The following MID1 variants were observed in gnomAD, a reference collection of about 807,000 sequenced individuals.
MID1 encodes the protein midline 1, also known as E3 ubiquitin-protein ligase Midline-1.
MID1 carries 7 observed loss-of-function variants against 40.4 expected under a neutral mutation model. That is an observed-to-expected ratio of 0.17 (90% CI 0.10 to 0.33). The LOEUF is 0.33. Ranked by LOEUF, MID1 falls within the 10% of genes least tolerant of loss-of-function variation. The probability of loss-of-function intolerance (pLI) is 1.00; values close to 1 mark genes in which losing one functional copy is unlikely to be tolerated. For missense variants in MID1, 367 were observed against 558.5 expected, an observed-to-expected ratio of 0.66 and a Z score of 3.46; for synonymous variants, 229 against 221.2, an observed-to-expected ratio of 1.04 and a Z score of -0.31.
chrX:10,525,015 GGAAAA>G (rs1380101137), intron 2 of MID1, among the ~76,000 whole-genome samples: 1 of 111,823 alleles, frequency 8.9e-6, no homozygotes, highest in African/African-American at 3.3e-5. Context: ...GAAATTTCAT[GGAAAA>G]GAAAACAGAC....
intron 2 of MID1, among the ~76,000 whole-genome samples, chrX:10,530,467 A>G (rs1246378219): frequency 8.9e-6 from 1 of 112,507 alleles, no homozygotes; most frequent in Admixed American, 9.4e-5. Flanking sequence ...AAATTTGTGG[A>G]AGGCAAAGTT....
At chrX:10,803,012 C>T (rs2044019615) in intron 1 of MID1, among the ~76,000 whole-genome samples, 1 of 110,173 alleles carries the variant, frequency 9.1e-6, no homozygotes, top group Admixed American at 9.7e-5. Flanking sequence ...CAATAGACAC[C>T]GGGTACTATT....
chrX:10,634,711 T>C (rs1936090343), intron 1 of MID1, among the ~76,000 whole-genome samples: 1 of 112,090 alleles, frequency 8.9e-6, no homozygotes, highest in South Asian at 3.8e-4. Flanking sequence ...AGAGATGGTG[T>C]GGGTGTTCTT....
chrX:10,777,729 C>T (rs747879208), intron 1 of MID1, among the ~76,000 whole-genome samples: 19 of 110,754 alleles, frequency 1.7e-4, no homozygotes, highest in African/African-American at 6.2e-4. Context: ...TTAGTAGAGA[C>T]GGGGTTTCAC....
At chrX:10,721,682 C>A (rs1231827737) in intron 1 of MID1, among the ~76,000 whole-genome samples, 1 of 105,673 alleles carries the variant, frequency 9.5e-6, no homozygotes, top group Non-Finnish European at 1.9e-5. Context: ...CTAGCAAAAA[C>A]CAATAATTGT....
chrX:10,613,722 TATATATATATAGAG>T (rs1455831788), intron 1 of MID1, among the ~76,000 whole-genome samples: 1 of 55,920 alleles, frequency 1.8e-5, no homozygotes, highest in Non-Finnish European at 3.1e-5. Flanking sequence ...TATATATATA[TATATATATATAGAG>T]AGAGAGAGAG....
intron 2 of MID1, among the ~76,000 whole-genome samples, chrX:10,530,312 G>C (rs747562197): frequency 9.0e-6 from 1 of 111,283 alleles, no homozygotes; most frequent in African/African-American, 3.3e-5. Flanking sequence ...TGAGGTTTAC[G>C]ACTTGGTGGC....
chrX:10,811,270 C>A (rs547949850), intron 1 of MID1, among the ~76,000 whole-genome samples: 1 of 112,115 alleles, frequency 8.9e-6, no homozygotes. Context: ...GAGTGCAGTT[C>A]GGGTTGCTGC....
intron 1 of MID1, among the ~76,000 whole-genome samples, chrX:10,789,708 C>A (rs1265814506): frequency 8.9e-6 from 1 of 112,077 alleles, no homozygotes; most frequent in Non-Finnish European, 1.9e-5. Context: ...TTAAGTGACA[C>A]ATGACTGTGC....
chrX:10,802,414 A>G (rs1219663575), intron 1 of MID1, among the ~76,000 whole-genome samples: 4 of 111,833 alleles, frequency 3.6e-5, no homozygotes, highest in Non-Finnish European at 7.5e-5. Flanking sequence ...CAAGCGGCCA[A>G]CAAACGTGAA....
intron 2 of MID1, among the ~76,000 whole-genome samples, chrX:10,549,683 T>G (rs765681068): frequency 8.8e-6 from 1 of 113,204 alleles, no homozygotes; most frequent in Admixed American, 9.3e-5. Flanking sequence ...CCACCAAGTT[T>G]GCACATTAGA....
chrX:10,801,918 C>T (rs915927897), intron 1 of MID1, among the ~76,000 whole-genome samples: 1 of 111,741 alleles, frequency 8.9e-6, no homozygotes, highest in African/African-American at 3.3e-5. Flanking sequence ...CACGGTGGCT[C>T]ATGCTTGTAA....
intron 1 of MID1, among the ~76,000 whole-genome samples, chrX:10,611,590 G>C (rs1018032042): frequency 1.8e-5 from 2 of 111,209 alleles, no homozygotes; most frequent in Non-Finnish European, 3.8e-5. Flanking sequence ...GACTAATTCT[G>C]ATCAGCAGAA....
At chrX:10,664,264 C>T (rs1034559439) in intron 1 of MID1, among the ~76,000 whole-genome samples, 12 of 111,387 alleles carry the variant, frequency 1.1e-4, no homozygotes, top group Non-Finnish European at 1.3e-4. Context: ...CGGGTTCAAG[C>T]GATTCTCCTG....
intron 1 of MID1, among the ~76,000 whole-genome samples, chrX:10,763,876 T>C (rs2043700468): frequency 8.9e-6 from 1 of 112,267 alleles, no homozygotes; most frequent in African/African-American, 3.2e-5. Context: ...TGTGAGATGG[T>C]ATCTCATTGT....
chrX:10,523,893 A>G (rs1341727305), intron 2 of MID1, among the ~76,000 whole-genome samples: 1 of 112,155 alleles, frequency 8.9e-6, no homozygotes, highest in Non-Finnish European at 1.9e-5. Context: ...TTACATTGTA[A>G]TAAGTAATAT....
chrX:10,515,564 TAAG>T (rs1932358516), intron 3 of MID1, among the ~76,000 whole-genome samples: 1 of 112,345 alleles, frequency 8.9e-6, no homozygotes, highest in Non-Finnish European at 1.9e-5. Flanking sequence ...AAAAGAATTT[TAAG>T]AAGTGATTAC....
chrX:10,623,016 G>A (rs1935951742), upstream of MID1, among the ~76,000 whole-genome samples: 1 of 105,665 alleles, frequency 9.5e-6, no homozygotes. Context: ...GGCCGAGGAG[G>A]GCGGATGATC....
intron 1 of MID1, among the ~76,000 whole-genome samples, chrX:10,594,914 C>T (rs755950197): frequency 9.0e-6 from 1 of 111,022 alleles, no homozygotes; most frequent in African/African-American, 3.3e-5. Context: ...TCCTAACACC[C>T]AAATGGTTGA....
Sources: gnomAD v4.1 joint callset for allele counts (sites outside exome capture counted in the v4.1 genomes callset) on GRCh38, gnomAD v4.1.1 for gene constraint, MANE v1.5 for transcripts, NCBI Gene and HGNC (gene_info 2026-07-23, HGNC 2026-07-21) for gene names.